The following SUN2 variants were observed in gnomAD, a reference collection of about 807,000 sequenced individuals.
The protein encoded by SUN2 is SUN domain-containing protein 2.
In SUN2, 60 loss-of-function variants were observed where a neutral mutation model predicts 100.0. That is an observed-to-expected ratio of 0.60 (90% confidence interval 0.49 to 0.74). The LOEUF (loss-of-function observed/expected upper bound fraction) is 0.74, where lower values mean the gene tolerates loss of function less well. Among genes scored for constraint, SUN2 ranks in the 30% least tolerant of loss-of-function variants. The pLI, the probability that SUN2 is intolerant of heterozygous loss-of-function variation, is 0.00. For missense variants in SUN2, 834 were observed against 954.6 expected (o/e 0.87, Z 1.66); for synonymous variants, 367 against 403.3 (o/e 0.91, Z 1.08).
chr22:38,751,031 C>G lies in SUN2; in HGVS notation c.291G>C (p.Glu97Asp). 6.2e-7 allele frequency: 1 copy of G among 1,612,944 alleles called. No individual in the cohort carries two copies. The highest frequency in any genetic ancestry group is 8.5e-7 in the Non-Finnish European group (1 of 1,179,534). Residue 97 changes from glutamate to aspartate, a missense_variant, in exon 4 of 18, where the codon GAG (glutamate) becomes GAC (aspartate). Around this residue, in one of 3 missense-constraint regions of SUN2, gnomAD observed 559 missense variants for 597.7 expected, o/e 0.94. Transcript: ENST00000689035. Reference protein sequence around the residue: ...EELHGDANWGEDLRVRRRRGT... With the variant: ...EELHGDANWGDDLRVRRRRGT... ...CTCTCCTCCTCCGCACCCGCAGGTCCTCACCTGTGCAGGGAAGAACCAGGG... is the reference window on the plus strand; with the variant it reads ...CTCTCCTCCTCCGCACCCGCAGGTCGTCACCTGTGCAGGGAAGAACCAGGG...
chr22:38,754,615 T>TC, intron 1 of SUN2: 1 of 433,482 alleles, frequency 2.3e-6, no homozygotes, highest in Non-Finnish European at 3.7e-6. Flanking sequence ...CCCTCCCCCC[T>TC]CCCTGCCCCG....
At chr22:38,754,817 C>T (rs79234244) in intron 1 of SUN2, 36,974 of 1,285,622 alleles carry the variant, frequency 0.029, 625 homozygotes, top group Non-Finnish European at 0.033. Context: ...AAACTGTCAG[C>T]ACCCGCCTCC....
At chr22:38,749,705 T>A (rs2092929060) in intron 6 of SUN2, 61 bp downstream of exon 6, 2 of 1,486,632 alleles carry the variant, frequency 1.3e-6, no homozygotes, top group African/African-American at 2.8e-5. Flanking sequence ...GTTGACACAC[T>A]TTACCCGTCC....
chr22:38,745,044 A>G, intron 8 of SUN2: 1 of 471,148 alleles, frequency 2.1e-6, no homozygotes. Flanking sequence ...TTTGGCTCTG[A>G]GATTTGCGGT....
rs971345897 is a variant in SUN2, at chr22:38,748,795, G to A, written c.615-12C>T. 23 of 1,614,084 alleles carry A rather than the reference G, an allele frequency of 1.4e-5. No homozygotes were observed. The highest frequency in any genetic ancestry group is 5.0e-5 in the Admixed American group (3 of 60,010). On this transcript the variant is annotated splice_polypyrimidine_tract_variant and intron_variant, in intron 6 of 17. Coordinates refer to ENST00000689035, the MANE Select transcript of SUN2 (RefSeq NM_015374.3). The stretch of plus-strand genomic sequence containing the variant: ...GGGACGAGAAGCGCCTGGACCACGC[G>A]GGAGGGCAGGACGGGGGAGGCGGAG...
Position 38,736,155 on chromosome 22 carries a change from G to T in SUN2, c.*112C>A. ...CCTTTTCATCTGCATGGGGCCACAG[G>T]CTCCTCTCTTGTGCTCCTAGAAGTC... On this transcript the variant is annotated 3_prime_UTR_variant, in exon 18 of 18. Transcript: ENST00000689035. The T allele has an allele frequency of 9.6e-7, 1 of 1,042,352 alleles. No individual in the cohort carries two copies. The highest frequency in any genetic ancestry group is 1.5e-6 in the Non-Finnish European group (1 of 672,522). The allele number at this position is 1,042,352 out of a possible 1,614,324, so 64.6% of individuals were successfully genotyped here. A position where few individuals can be genotyped will look rare whatever the true frequency, so the allele number is the denominator to read the frequency against.
In SUN2 at chr22:38,740,581, C is replaced by T. The variant is rs1395675065; in HGVS notation, c.1191-149G>A. 5 of 828,540 alleles carry T rather than the reference C, an allele frequency of 6.0e-6. No homozygotes were observed. The East Asian group carries it at 8.8e-5, about 15-fold the overall frequency. The allele number at this position is 828,540 out of a possible 1,614,324, so 51.3% of individuals were successfully genotyped here. ...GAACCTGAGAAGGGGCAAGGCCTCTCCTGGGGGTTCTGGCTGCAGAACCCC... is the reference window on the plus strand; with the variant it reads ...GAACCTGAGAAGGGGCAAGGCCTCTTCTGGGGGTTCTGGCTGCAGAACCCC... On this transcript the variant is annotated intron_variant, in intron 11 of 17. Coordinates refer to ENST00000689035, the MANE Select transcript of SUN2 (RefSeq NM_015374.3). The surrounding 1 kb of genome is among the most constrained non-coding windows in gnomAD (Gnocchi z 4.8).
rs190578127 is a variant in SUN2 at position 38,734,860 on chromosome 22, C to T, written c.*1407G>A. On this transcript the variant is annotated 3_prime_UTR_variant, in exon 18 of 18. Transcript: ENST00000689035. The stretch of plus-strand genomic sequence containing the variant: ...AAACCCTGGCTGCCTCGGGATGGAG[C>T]GGGGCGGCCTCACCACCACTGCATC... 4.2e-5 allele frequency: 8 copies of T among 190,726 alleles called. No homozygotes were observed. Among genetic ancestry groups the T allele is most frequent in the East Asian group, 1.7e-4 (1 of 5,856 alleles). The allele number at this position is 190,726 out of a possible 1,614,324, so 11.8% of individuals were successfully genotyped here. A position where few individuals can be genotyped will look rare whatever the true frequency, so the allele number is the denominator to read the frequency against.
At chr22:38,748,946 C>A in intron 6 of SUN2, 163 bp from the exon 7 acceptor site, 1 of 654,954 alleles carries the variant, frequency 1.5e-6, no homozygotes, top group South Asian at 1.9e-5. Context: ...AGCCTGGACA[C>A]GTCAGAGCCT....
intron 9 of SUN2, 32 bp downstream of exon 9, chr22:38,742,262 TGTCACCC>T (rs2092864792): frequency 3.2e-6 from 5 of 1,554,468 alleles, no homozygotes; most frequent in African/African-American, 2.7e-5. Flanking sequence ...TTCCTATGGG[TGTCACCC>T]ACCTCCCACC....
Position 38,738,772 on chromosome 22 carries a change from C to T in SUN2, c.1780-18G>A. 1.2e-6 allele frequency: 2 copies of T among 1,611,532 alleles called. No individual in the cohort carries two copies. Among genetic ancestry groups the T allele is most frequent in the Non-Finnish European group, 1.7e-6 (2 of 1,178,656 alleles). On this transcript the variant is annotated intron_variant, in intron 15 of 17. Coordinates refer to ENST00000689035, the MANE Select transcript of SUN2 (RefSeq NM_015374.3). This position sits in a 1 kb window ranked among gnomAD's most constrained non-coding sequence, Gnocchi z 6.6. ...ACATCTGGCTGGAGGAGCAGAAAGT[C>T]ATGTCAGGACAGGGCCCTGAGTCCA...
At chr22:38,736,677 AG>A (rs776888027) in intron 17 of SUN2, 4 of 242,900 alleles carry the variant, frequency 1.6e-5, no homozygotes, top group Non-Finnish European at 3.2e-5. Flanking sequence ...AGGGCTTCAT[AG>A]ATGCTGATGT....
chr22:38,749,087 G>GA (rs1190731384), intron 6 of SUN2: 270 of 335,932 alleles, frequency 8.0e-4, no homozygotes, highest in Middle Eastern at 3.3e-3. Context: ...TGCAAATATA[G>GA]AAAAAAAAAG....
intron 1 of SUN2, 106 bp from the exon 2 acceptor site, chr22:38,752,771 A>G: frequency 2.3e-6 from 3 of 1,288,220 alleles, no homozygotes; most frequent in Non-Finnish European, 3.1e-6. Context: ...AGAACAGACC[A>G]CCCCCCCGGC....
chr22:38,745,896 A>T, intron 7 of SUN2, 85 bp from the exon 8 acceptor site: 1 of 1,542,542 alleles, frequency 6.5e-7, no homozygotes, highest in South Asian at 1.2e-5. Flanking sequence ...GATCCCTGCC[A>T]GTGCTTGTGG....
chr22:38,755,214 T>G lies in SUN2; in HGVS notation c.-38+549A>C. On this transcript the variant is annotated intron_variant, in intron 1 of 17. Transcript: ENST00000689035. This position sits in a 1 kb window ranked among gnomAD's most constrained non-coding sequence, Gnocchi z 5.7. ...GGCACAGCCAGGCCACACGCCCTTG[T>G]GGGACCTGCCAAACGCCCGGTGCTA... is the stretch of plus-strand genomic sequence containing the variant. 3 of 1,182,296 alleles carry G rather than the reference T, an allele frequency of 2.5e-6. No homozygotes were observed. Among genetic ancestry groups the G allele is most frequent in the Non-Finnish European group, 3.2e-6 (3 of 938,480 alleles). The allele number at this position is 1,182,296 out of a possible 1,614,324, so 73.2% of individuals were successfully genotyped here. A position where few individuals can be genotyped will look rare whatever the true frequency, so the allele number is the denominator to read the frequency against.
intron 8 of SUN2, among the ~76,000 whole-genome samples, chr22:38,744,185 A>G (rs997317608): frequency 8.7e-5 from 13 of 148,932 alleles, no homozygotes; most frequent in African/African-American, 3.2e-4. Context: ...GGCTGCAGTG[A>G]GCCCAGATCG....
chr22:38,750,889 A>G lies in SUN2; in HGVS notation c.424+9T>C, dbSNP rs1253505700. ...CGGATCTGCTCAGGAGGGAGGAAGC[A>G]TCGCCTACCCACGTAGTCGTCCTCA... is the stretch of plus-strand genomic sequence containing the variant. On this transcript the variant is annotated intron_variant, in intron 4 of 17. Transcript: ENST00000689035. 1.2e-6 allele frequency: 2 copies of G among 1,613,970 alleles called. No homozygotes were observed. The highest frequency in any genetic ancestry group is 4.5e-5 in the East Asian group (2 of 44,884).
At chr22:38,742,240 C>T in intron 9 of SUN2, 61 bp downstream of exon 9, 4 of 1,518,812 alleles carry the variant, frequency 2.6e-6, no homozygotes, top group Non-Finnish European at 3.5e-6. Context: ...TGCTGCTGGG[C>T]ACCTTCACGC....
Sources: allele counts gnomAD v4.1 joint callset (sites outside exome capture counted in the v4.1 genomes callset), GRCh38; gene constraint gnomAD v4.1.1; regional missense constraint gnomAD v4.1.1; non-coding constraint Gnocchi (gnomAD v3.1); transcripts MANE v1.5; gene names NCBI Gene and HGNC (gene_info 2026-07-23, HGNC 2026-07-21).